MEGF9: variants seen among roughly 807,000 people sequenced by gnomAD.
MEGF9 encodes multiple EGF like domains 9, also known as multiple epidermal growth factor-like domains protein 9.
A neutral mutation model predicts 46.8 loss-of-function variants in MEGF9; 6 were observed. The ratio of observed to expected loss-of-function variants is 0.13; its 90% CI spans 0.07 to 0.25. The LOEUF (loss-of-function observed/expected upper bound fraction) is 0.25. Among genes scored for constraint, MEGF9 ranks in the 10% least tolerant of loss-of-function variants. The pLI is 1.00. For synonymous variants in MEGF9, 302 were observed against 330.7 expected (o/e 0.91, Z 0.94); for missense variants, 683 against 792.4 (o/e 0.86, Z 1.66).
intron 1 of MEGF9, among the ~76,000 whole-genome samples, chr9:120,671,041 G>A (rs1231907634): frequency 2.6e-5 from 4 of 152,092 alleles, no homozygotes; most frequent in Non-Finnish European, 5.9e-5. Context: ...TCTCTCAAAA[G>A]TTACTAACCC....
chr9:120,668,306 T>C (rs146161443), intron 1 of MEGF9, among the ~76,000 whole-genome samples: 2,044 of 152,310 alleles, frequency 0.013, 41 homozygotes, highest in African/African-American at 0.044. Flanking sequence ...CTTTGAAAAC[T>C]TGGGAAACTT....
intron 1 of MEGF9, among the ~76,000 whole-genome samples, chr9:120,672,598 G>A (rs966860300): frequency 6.6e-6 from 1 of 152,160 alleles, no homozygotes; most frequent in Non-Finnish European, 1.5e-5. Context: ...TCCAGCCTGT[G>A]TAACAGAATG....
chr9:120,661,487 C>T (rs1587987850), intron 1 of MEGF9, among the ~76,000 whole-genome samples: 1 of 152,178 alleles, frequency 6.6e-6, no homozygotes, highest in African/African-American at 2.4e-5. Flanking sequence ...ACTGCACCCC[C>T]ACCTGGGTGA....
At chr9:120,649,995 G>A (rs1026586471) in intron 2 of MEGF9, among the ~76,000 whole-genome samples, 3 of 152,118 alleles carry the variant, frequency 2.0e-5, no homozygotes, top group Non-Finnish European at 2.9e-5. Flanking sequence ...GGCCAGGCAC[G>A]GTGGCTCACA....
chr9:120,682,739 T>G (rs2043804271), intron 1 of MEGF9, among the ~76,000 whole-genome samples: 1 of 152,080 alleles, frequency 6.6e-6, no homozygotes, highest in African/African-American at 2.4e-5. Flanking sequence ...CAAGCCACCA[T>G]CCCCAGCTAA....
At chr9:120,640,467 T>C (rs559700815) in intron 2 of MEGF9, among the ~76,000 whole-genome samples, 2 of 152,134 alleles carry the variant, frequency 1.3e-5, no homozygotes, top group African/African-American at 4.8e-5. Context: ...CCATCTAGAA[T>C]GTCAGTTCTG....
intron 2 of MEGF9, among the ~76,000 whole-genome samples, chr9:120,654,870 T>G (rs922300984): frequency 9.9e-5 from 15 of 152,166 alleles, no homozygotes; most frequent in African/African-American, 3.6e-4. Flanking sequence ...TACGTCGTAG[T>G]TTTTAACACA....
intron 2 of MEGF9, among the ~76,000 whole-genome samples, chr9:120,646,556 C>G (rs2043627191): frequency 6.6e-6 from 1 of 152,166 alleles, no homozygotes; most frequent in African/African-American, 2.4e-5. Context: ...GGATCAAAAG[C>G]TACCTCCTCA....
At chr9:120,649,947 T>G (rs542288788) in intron 2 of MEGF9, among the ~76,000 whole-genome samples, 1 of 152,268 alleles carries the variant, frequency 6.6e-6, no homozygotes, top group African/African-American at 2.4e-5. Flanking sequence ...CACCTTGTAC[T>G]CTAACCTACC....
intron 2 of MEGF9, among the ~76,000 whole-genome samples, chr9:120,641,000 C>T (rs2043600576): frequency 6.6e-6 from 1 of 152,104 alleles, no homozygotes; most frequent in Admixed American, 6.6e-5. Flanking sequence ...AGGATAATGG[C>T]CTCCATCTGT....
At chr9:120,639,031 TA>T (rs1332681368) in intron 2 of MEGF9, among the ~76,000 whole-genome samples, 2 of 152,358 alleles carry the variant, frequency 1.3e-5, no homozygotes, top group East Asian at 3.9e-4. Context: ...TATACTTCTG[TA>T]AAAGTAATCA....
chr9:120,668,941 A>G (rs1436568051), intron 1 of MEGF9, among the ~76,000 whole-genome samples: 1 of 152,176 alleles, frequency 6.6e-6, no homozygotes, highest in Non-Finnish European at 1.5e-5. Flanking sequence ...GACCCAGAAC[A>G]CTTTAAAATC....
rs377425410 is a variant in MEGF9, at chr9:120,607,786, G to A, written c.1312C>T (p.Leu438=). 18 of 1,613,834 alleles carry A rather than the reference G, an allele frequency of 1.1e-5. No homozygotes were observed. Among genetic ancestry groups the A allele is most frequent in the Non-Finnish European group, 1.4e-5 (16 of 1,179,882 alleles). Reference sequence around the variant, plus strand: ...TCGAGGTCGTGAACATAACCTTCTAGGCAGTTCTCACACCAAAACCCAGTG... The same window carrying A: ...TCGAGGTCGTGAACATAACCTTCTAAGCAGTTCTCACACCAAAACCCAGTG... ...NTTGFWCENC[L]EGYVHDLEGN... Residue 438 remains leucine, a synonymous_variant, in exon 5 of 6, where the codon CTA becomes TTA. Coordinates refer to ENST00000373930, the MANE Select transcript of MEGF9 (RefSeq NM_001080497.3).
intron 2 of MEGF9, among the ~76,000 whole-genome samples, chr9:120,650,142 G>T (rs1251476762): frequency 6.6e-6 from 1 of 152,102 alleles, no homozygotes; most frequent in African/African-American, 2.4e-5. Context: ...GGTGGCGGGT[G>T]CCCGTAATCC....
At chr9:120,658,506 T>C (rs2043687497) in intron 2 of MEGF9, among the ~76,000 whole-genome samples, 1 of 152,212 alleles carries the variant, frequency 6.6e-6, no homozygotes, top group South Asian at 2.1e-4. Context: ...GCATTTTATA[T>C]ATATCAACTC....
chr9:120,661,160 C>A (rs1198302514), intron 1 of MEGF9, among the ~76,000 whole-genome samples: 1 of 152,220 alleles, frequency 6.6e-6, no homozygotes, highest in Non-Finnish European at 1.5e-5. Context: ...CAGTTCCTAA[C>A]CTTTGGTGTC....
chr9:120,638,059 C>T (rs1403893950), intron 2 of MEGF9, among the ~76,000 whole-genome samples: 1 of 151,998 alleles, frequency 6.6e-6, no homozygotes, highest in Non-Finnish European at 1.5e-5. Flanking sequence ...GTGATGCGAT[C>T]ACAGCTCACT....
Position 120,644,635 on chromosome 9 carries a change from G to A in MEGF9, c.803+14739C>T, listed in dbSNP as rs114060968. On this transcript the variant is annotated intron_variant, in intron 2 of 5. Transcript: ENST00000373930. ...AGTTGTCTGTTTTGGGGCAAATTAA[G>A]CCTCAGTTTCTTCATCTGTAAAATA... Among the ~76,000 whole-genome samples the A allele has an allele frequency of 4.2e-3, 646 of 152,298 alleles. 5 individuals carry two copies. The highest frequency in any genetic ancestry group is 0.015 in the African/African-American group (610 of 41,556).
At chr9:120,610,578 CCATCA>C (rs2043440297) in intron 4 of MEGF9, among the ~76,000 whole-genome samples, 1 of 152,266 alleles carries the variant, frequency 6.6e-6, no homozygotes, top group South Asian at 2.1e-4. Context: ...ATGCAGACTC[CCATCA>C]CGAGACTCAG....
Sources: allele counts gnomAD v4.1 joint callset (sites outside exome capture counted in the v4.1 genomes callset), GRCh38; gene constraint gnomAD v4.1.1; transcripts MANE v1.5; gene names NCBI Gene and HGNC (gene_info 2026-07-23, HGNC 2026-07-21).